MAP2K6: variants seen among roughly 807,000 people sequenced by gnomAD.
The protein encoded by MAP2K6 is mitogen-activated protein kinase kinase 6.
Under a neutral mutation model 53.7 loss-of-function variants are expected in MAP2K6, and 16 were observed. The ratio of observed to expected loss-of-function variants is 0.30; its 90% CI spans 0.20 to 0.45. The LOEUF (loss-of-function observed/expected upper bound fraction) is 0.45, where lower values mean the gene tolerates loss of function less well. Ranked by LOEUF, MAP2K6 falls within the 20% of genes least tolerant of loss-of-function variation. The pLI, the probability that MAP2K6 is intolerant of heterozygous loss-of-function variation, is 1.00. For missense variants in MAP2K6, 204 were observed against 411.9 expected (o/e 0.50, Z 4.37); for synonymous variants, 132 against 143.1 (o/e 0.92, Z 0.55).
In MAP2K6 at chr17:69,541,769, A is replaced by G. The variant is rs766346334; in HGVS notation, c.*16A>G. ...TGGAGACTAAAAAGCAGTGGACTTA[A>G]TCGGTTGACCCTACTGTGGATTGGT... On this transcript the variant is annotated 3_prime_UTR_variant, in exon 12 of 12. Transcript: ENST00000590474. The G allele has an allele frequency of 3.0e-5, 48 of 1,604,052 alleles. No homozygotes were observed. Among genetic ancestry groups the G allele is most frequent in the Non-Finnish European group, 4.0e-5 (47 of 1,172,064 alleles).
At chr17:69,415,786 A>G (rs571326826) in intron 1 of MAP2K6, among the ~76,000 whole-genome samples, 1 of 152,366 alleles carries the variant, frequency 6.6e-6, no homozygotes, top group East Asian at 1.9e-4. Context: ...TTTCATTGAC[A>G]AGCATAATGA....
intron 1 of MAP2K6, among the ~76,000 whole-genome samples, chr17:69,441,886 G>T (rs892696895): frequency 2.0e-5 from 3 of 152,130 alleles, no homozygotes; most frequent in Non-Finnish European, 2.9e-5. Flanking sequence ...ATAGGTGGGG[G>T]TGCTTCAGGC....
intron 11 of MAP2K6, among the ~76,000 whole-genome samples, chr17:69,540,652 A>G (rs916484384): frequency 6.6e-6 from 1 of 152,212 alleles, no homozygotes; most frequent in Non-Finnish European, 1.5e-5. Flanking sequence ...CTAGCAAAGC[A>G]TAAGACTTGT....
intron 1 of MAP2K6, among the ~76,000 whole-genome samples, chr17:69,464,859 G>A (rs1186797128): frequency 6.6e-6 from 1 of 151,976 alleles, no homozygotes; most frequent in Non-Finnish European, 1.5e-5. Flanking sequence ...GGGATTACAG[G>A]CACGTGCCAC....
intron 1 of MAP2K6, among the ~76,000 whole-genome samples, chr17:69,461,992 G>T (rs183188085): frequency 5.3e-4 from 81 of 152,240 alleles, no homozygotes; most frequent in African/African-American, 1.8e-3. Context: ...GTAGAAATTC[G>T]CAAGGAGGCA....
chr17:69,527,270 G>A, intron 10 of MAP2K6, among the ~76,000 whole-genome samples: 1 of 152,192 alleles, frequency 6.6e-6, no homozygotes, highest in East Asian at 1.9e-4. Context: ...GTTTGAGAGT[G>A]TTTCTTAGGT....
chr17:69,526,060 G>T (rs1255045992), intron 9 of MAP2K6, among the ~76,000 whole-genome samples: 1 of 152,128 alleles, frequency 6.6e-6, no homozygotes, highest in African/African-American at 2.4e-5. Context: ...TCTCCTGCCT[G>T]CCCAGAAAGC....
chr17:69,449,795 A>T (rs112302318), intron 1 of MAP2K6, among the ~76,000 whole-genome samples: 11,272 of 148,040 alleles, frequency 0.076, 1,399 homozygotes, highest in African/African-American at 0.26. Flanking sequence ...TTGTATTTTT[A>T]GTAGAGACGG....
intron 1 of MAP2K6, among the ~76,000 whole-genome samples, chr17:69,436,702 T>C (rs1906652272): frequency 6.6e-6 from 1 of 152,218 alleles, no homozygotes; most frequent in African/African-American, 2.4e-5. Context: ...TCCTCATGTG[T>C]CCTCTATATA....
Position 69,553,356 on chromosome 17 carries a change from C to T in MAP2K6, c.*11603C>T, listed in dbSNP as rs1481430153. The T allele has an allele frequency of 6.6e-6, 1 of 152,120 alleles. No individual in the cohort carries two copies. Among genetic ancestry groups the T allele is most frequent in the African/African-American group, 2.4e-5 (1 of 41,408 alleles). The allele number at this position is 152,120 out of a possible 1,614,324, so 9.4% of individuals were successfully genotyped here. A position where few individuals can be genotyped will look rare whatever the true frequency, so the allele number is the denominator to read the frequency against. On this transcript the variant is annotated 3_prime_UTR_variant, in exon 12 of 12. Transcript: ENST00000590474. ...TATTTCTGTGAATCTGTGTTTTTGA[C>T]CAAGGAAACAGCTGAGATATTAAAC...
chr17:69,444,363 GT>G (rs1389985024), intron 1 of MAP2K6, among the ~76,000 whole-genome samples: 1 of 152,140 alleles, frequency 6.6e-6, no homozygotes, highest in Non-Finnish European at 1.5e-5. Flanking sequence ...GGGTCAATGA[GT>G]TTTTTGTTAA....
chr17:69,436,453 T>C (rs1217761267), intron 1 of MAP2K6, among the ~76,000 whole-genome samples: 1 of 152,256 alleles, frequency 6.6e-6, no homozygotes, highest in Non-Finnish European at 1.5e-5. Context: ...TTAAGAATTT[T>C]AAGAATTTTC....
At chr17:69,541,622 T>C in intron 11 of MAP2K6, 54 bp from the exon 12 acceptor site, 6 of 1,311,902 alleles carry the variant, frequency 4.6e-6, no homozygotes, top group Non-Finnish European at 5.5e-6. Flanking sequence ...GCTAATCTCA[T>C]ATATTGATTG....
At chr17:69,487,516 G>C (rs370707748) in intron 1 of MAP2K6, among the ~76,000 whole-genome samples, 1 of 152,186 alleles carries the variant, frequency 6.6e-6, no homozygotes, top group African/African-American at 2.4e-5. Context: ...AACTTACAGC[G>C]TTCATTTATC....
intron 6 of MAP2K6, 179 bp downstream of exon 6, chr17:69,520,565 T>TG: frequency 1.8e-6 from 1 of 560,374 alleles, no homozygotes; most frequent in South Asian, 2.5e-5. Flanking sequence ...GTGTAGAAGA[T>TG]TCTAGCACTG....
Position 69,449,532 on chromosome 17 carries a change from TC to T in MAP2K6, c.16+34533del, listed in dbSNP as rs1189174409. Among the ~76,000 whole-genome samples the T allele has an allele frequency of 2.8e-3, 192 of 67,974 alleles. 3 individuals carry two copies. The highest frequency in any genetic ancestry group is 3.4e-3 in the Non-Finnish European group (112 of 33,254). The allele number at this position is 67,974 out of a possible 152,430, so 44.6% of individuals were successfully genotyped here. On this transcript the variant is annotated intron_variant, in intron 1 of 11. Transcript: ENST00000590474. ...TTCTTTCTTTGTCTTTCTTTCTTTG[TC>T]TTTCTTTCTTTCTTTCTTTCTTTCT...
intron 1 of MAP2K6, among the ~76,000 whole-genome samples, chr17:69,456,940 A>G (rs1014651047): frequency 1.3e-5 from 2 of 152,184 alleles, no homozygotes; most frequent in Non-Finnish European, 2.9e-5. Flanking sequence ...GATAAATGCC[A>G]GCTTCTTAGC....
chr17:69,431,017 T>C (rs1227193248), intron 1 of MAP2K6, among the ~76,000 whole-genome samples: 1 of 152,250 alleles, frequency 6.6e-6, no homozygotes, highest in Non-Finnish European at 1.5e-5. Flanking sequence ...TTTTTATTTA[T>C]GAGAATCTAG....
At chr17:69,469,966 C>G (rs1907934399) in intron 1 of MAP2K6, among the ~76,000 whole-genome samples, 1 of 152,032 alleles carries the variant, frequency 6.6e-6, no homozygotes, top group Non-Finnish European at 1.5e-5. Context: ...CTTTGGGAGG[C>G]TGAGGCGGGT....
Sources: allele counts gnomAD v4.1 joint callset (sites outside exome capture counted in the v4.1 genomes callset), GRCh38; gene constraint gnomAD v4.1.1; transcripts MANE v1.5; gene names NCBI Gene and HGNC (gene_info 2026-07-23, HGNC 2026-07-21).